Variants in ZSCAN18 observed in about 807,000 individuals in gnomAD.
ZSCAN18 encodes the protein zinc finger and SCAN domain-containing protein 18.
ZSCAN18 carries 16 observed loss-of-function variants against 31.1 expected under a neutral mutation model. The ratio of observed to expected loss-of-function variants is 0.51; its 90% CI spans 0.35 to 0.78. The LOEUF (loss-of-function observed/expected upper bound fraction) is 0.78, where lower values mean the gene tolerates loss of function less well. ZSCAN18 is among the 30% of genes least tolerant of loss of function. The probability of loss-of-function intolerance (pLI) is 0.01; values close to 1 mark genes in which losing one functional copy is unlikely to be tolerated. For missense variants in ZSCAN18, 731 were observed against 697.4 expected, an observed-to-expected ratio of 1.05 and a Z score of -0.54; for synonymous variants, 375 against 320.7, an observed-to-expected ratio of 1.17 and a Z score of -1.81.
At chr19:58,089,315 A>T (rs1360265061) in intron 2 of ZSCAN18, among the ~76,000 whole-genome samples, 2 of 81,604 alleles carry the variant, frequency 2.5e-5, no homozygotes, top group African/African-American at 9.8e-5. Flanking sequence ...AAAAAAAAAA[A>T]AAAAAAAAAA....
chr19:58,086,083 C>T, intron 6 of ZSCAN18, 91 bp downstream of exon 6: 1 of 1,082,748 alleles, frequency 9.2e-7, no homozygotes, highest in Non-Finnish European at 1.4e-6. Flanking sequence ...GAGGTCTTTG[C>T]TGGGGCTGAT....
intron 1 of ZSCAN18, among the ~76,000 whole-genome samples, chr19:58,097,716 C>A: frequency 7.1e-6 from 1 of 139,970 alleles, no homozygotes; most frequent in South Asian, 2.5e-4. Flanking sequence ...GAGCCTCCCC[C>A]TCCCTTCTCT....
rs1055235884 is a variant in ZSCAN18 at position 58,095,430 on chromosome 19, C to T, written c.-120+2744G>A. Reference sequence around the variant, plus strand: ...CAGGCAATCACTAAGGCTGGGACCCCACCTGCAAAGTGACGCTGCCACTCA... The same window carrying T: ...CAGGCAATCACTAAGGCTGGGACCCTACCTGCAAAGTGACGCTGCCACTCA... On this transcript the variant is annotated intron_variant, in intron 1 of 6. Transcript: ENST00000601144. Among the ~76,000 whole-genome samples, 7 of 152,168 alleles carry T rather than the reference C, an allele frequency of 4.6e-5. No individual in the cohort carries two copies. The East Asian group carries it at 1.3e-3, about 29-fold the overall frequency.
At chr19:58,112,542 T>A (rs1379107925) in intron 1 of ZSCAN18, among the ~76,000 whole-genome samples, 1 of 151,816 alleles carries the variant, frequency 6.6e-6, no homozygotes, top group Non-Finnish European at 1.5e-5. Flanking sequence ...TCCCAGCTAC[T>A]CGGGAAGCTG....
chr19:58,118,402 C>T, upstream of ZSCAN18: 1 of 1,508,242 alleles, frequency 6.6e-7, no homozygotes, highest in Non-Finnish European at 8.9e-7. Flanking sequence ...CGCATGGGCG[C>T]GCAGAGTTCC....
chr19:58,084,712 GGGAGCC>G lies in ZSCAN18; in HGVS notation c.1500_1505del (p.Glu500_Pro502delinsAsp). On this transcript the variant is annotated inframe_deletion, in exon 7 of 7. Transcript: ENST00000601144. This position sits in a 1 kb window ranked among gnomAD's most constrained non-coding sequence, Gnocchi z 4.5. ...ACCTCTGCGCCTCTGGGGGTGCGGG[GGGAGCC>G]TCGCCCTCCACGCTCTCTGGGGGAC... The G allele has an allele frequency of 6.6e-7, 1 of 1,506,912 alleles. No homozygotes were observed. The allele number at this position is 1,506,912 out of a possible 1,614,324, so 93.3% of individuals were successfully genotyped here. A position where few individuals can be genotyped will look rare whatever the true frequency, so the allele number is the denominator to read the frequency against.
intron 6 of ZSCAN18, 175 bp downstream of exon 6, chr19:58,085,999 A>C (rs2074272101): frequency 4.2e-4 from 254 of 599,054 alleles, no homozygotes; most frequent in East Asian, 1.0e-3. Context: ...TCATGCAGCA[A>C]GAGACCATGG....
At chr19:58,092,833 G>C (rs896944087) in intron 1 of ZSCAN18, 1 of 494,250 alleles carries the variant, frequency 2.0e-6, no homozygotes, top group African/African-American at 2.1e-5. Context: ...GAGTGCAGTA[G>C]CATGATCATA....
chr19:58,103,112 ACT>A (rs1032580848), upstream of ZSCAN18, among the ~76,000 whole-genome samples: 2 of 138,100 alleles, frequency 1.4e-5, no homozygotes, highest in African/African-American at 5.1e-5. Flanking sequence ...ACACAGCGAG[ACT>A]CTCTCTAAAA....
At chr19:58,102,461 AAAAC>A (rs75475027), upstream of ZSCAN18, among the ~76,000 whole-genome samples, 940 of 147,092 alleles carry the variant, frequency 6.4e-3, 7 homozygotes, top group African/African-American at 0.02. Context: ...ACTCCATCTC[AAAAC>A]AAACAAACAA....
chr19:58,110,969 C>T (rs895818208), intron 1 of ZSCAN18, among the ~76,000 whole-genome samples: 32 of 151,922 alleles, frequency 2.1e-4, no homozygotes, highest in Non-Finnish European at 3.7e-4. Context: ...GAGATGGAGA[C>T]CATCCTGGCT....
intron 1 of ZSCAN18, chr19:58,092,628 C>T: frequency 3.8e-6 from 3 of 793,088 alleles, no homozygotes; most frequent in Non-Finnish European, 4.6e-6. Context: ...CAACTATCAA[C>T]CTCTCTCTCT....
intron 6 of ZSCAN18, 108 bp downstream of exon 6, chr19:58,086,066 C>A: frequency 1.2e-6 from 1 of 846,084 alleles, no homozygotes; most frequent in Non-Finnish European, 1.9e-6. Context: ...GTGAAGCAGT[C>A]AATGCTGAGG....
chr19:58,118,255 C>A (rs1568648478), intron 1 of ZSCAN18: 5 of 1,376,974 alleles, frequency 3.6e-6, no homozygotes, highest in African/African-American at 1.5e-5. Flanking sequence ...GCTCTGGAGT[C>A]CTTGACCCCA....
intron 1 of ZSCAN18, among the ~76,000 whole-genome samples, chr19:58,091,454 GA>G (rs1215861964): frequency 6.8e-6 from 1 of 146,920 alleles, no homozygotes; most frequent in East Asian, 2.1e-4. Flanking sequence ...CCCGTTTCTG[GA>G]AATGGTGCAG....
rs539724290 is a variant in ZSCAN18, at chr19:58,095,377, G to A, written c.-120+2797C>T. ...GGGTAGGAACCACATGCAGCCCCAA[G>A]GTGCAAGTGGGAAATAGAGGCACGA... On this transcript the variant is annotated intron_variant, in intron 1 of 6. Transcript: ENST00000601144. Among the ~76,000 whole-genome samples, 15 of 152,302 alleles carry A rather than the reference G, an allele frequency of 9.8e-5. No individual in the cohort carries two copies. In the South Asian group the frequency reaches 3.1e-3, roughly 32 times the overall value.
At position 58,085,358 on chromosome 19, in the gene ZSCAN18, C is replaced by G. The variant is rs749135504; in HGVS notation, c.860G>C (p.Ser287Thr). 2.5e-6 allele frequency: 4 copies of G among 1,591,396 alleles called. No individual in the cohort carries two copies. In the African/African-American group the frequency reaches 4.0e-5, roughly 16 times the overall value. The change falls in exon 7 of 7, where the codon AGC becomes ACC. Residue 287 changes from serine to threonine, a missense_variant. This residue lies in a region of ZSCAN18 where 597 missense variants were observed against 499.5 expected (regional missense o/e 1.20). Coordinates refer to ENST00000601144, the MANE Select transcript of ZSCAN18 (RefSeq NM_001145543.2). The stretch of plus-strand genomic sequence containing the variant: ...GGCCTCCTCGCAGGCGCACCCAGCG[C>G]TCTCCTGCCGCCTCCCGCCTTCTGG... Reference protein sequence around the residue: ...SLPEGGRRQESAGCACEEAAP... With the variant: ...SLPEGGRRQETAGCACEEAAP...
In ZSCAN18 at chr19:58,088,752, T is replaced by G. The variant is rs1171706005; in HGVS notation, c.489A>C (p.Pro163=). The change falls in exon 3 of 7, where the codon CCA becomes CCC. Residue 163 remains proline, a synonymous_variant. Transcript: ENST00000601144. Reference sequence around the variant, plus strand: ...CCTGGCTGGGGCTCGCGAGCTCGCCTGGTAGCAGCAGAGGGTCCATGTGCC... The same window carrying G: ...CCTGGCTGGGGCTCGCGAGCTCGCCGGGTAGCAGCAGAGGGTCCATGTGCC... ...YERHMDPLLL[P]GELASPSQAL... 1 of 1,608,228 alleles carries G rather than the reference T, an allele frequency of 6.2e-7. No individual in the cohort carries two copies. The highest frequency in any genetic ancestry group is 1.7e-5 in the Admixed American group (1 of 60,022).
intron 6 of ZSCAN18, 174 bp downstream of exon 6, chr19:58,085,998 AAG>A: frequency 1.6e-6 from 1 of 619,640 alleles, no homozygotes; most frequent in Non-Finnish European, 2.9e-6. Context: ...GTCATGCAGC[AAG>A]AGACCATGGA....
Sources: allele counts gnomAD v4.1 joint callset (sites outside exome capture counted in the v4.1 genomes callset), GRCh38; gene constraint gnomAD v4.1.1; regional missense constraint gnomAD v4.1.1; non-coding constraint Gnocchi (gnomAD v3.1); transcripts MANE v1.5; gene names NCBI Gene and HGNC (gene_info 2026-07-23, HGNC 2026-07-21).